TC2N: variants seen among roughly 807,000 people sequenced by gnomAD.
The protein encoded by TC2N is tandem C2 domains, nuclear, also known as tandem C2 domains nuclear protein.
In TC2N, 51 loss-of-function variants were observed where a neutral mutation model predicts 61.9. The observed-to-expected ratio is 0.82, with a 90% confidence interval of 0.66 to 1.04. The LOEUF is 1.04. TC2N is among the 50% of genes least tolerant of loss of function. TC2N has a pLI of 0.00. For missense variants in TC2N, 556 were observed against 566.7 expected, an observed-to-expected ratio of 0.98 and a Z score of 0.19; for synonymous variants, 204 against 192.6, an observed-to-expected ratio of 1.06 and a Z score of -0.49.
intron 3 of TC2N, among the ~76,000 whole-genome samples, chr14:91,804,142 C>T (rs551624797): frequency 6.6e-6 from 1 of 152,208 alleles, no homozygotes; most frequent in Admixed American, 6.5e-5. Context: ...AAGGAAATAC[C>T]ACTACACACT....
chr14:91,798,528 T>A (rs1886036893), intron 6 of TC2N, 129 bp from the exon 7 acceptor site: 2 of 612,922 alleles, frequency 3.3e-6, no homozygotes, highest in African/African-American at 2.0e-5. Context: ...GTTCACAATC[T>A]AAGAAGACAA....
chr14:91,837,002 T>C lies in TC2N; in HGVS notation c.-56-23177A>G, dbSNP rs536958869. On this transcript the variant is annotated intron_variant, in intron 1 of 11. Transcript: ENST00000435962. The surrounding 1 kb of genome is among the most constrained non-coding windows in gnomAD (Gnocchi z 4.2). ...TTGAGGATCAGCCCTGCTCTCTGCT[T>C]TTGTTGCTATCTGCTACTGCCTTGC... is the stretch of plus-strand genomic sequence containing the variant. Among the ~76,000 whole-genome samples the C allele has an allele frequency of 1.1e-4, 17 of 152,306 alleles. No individual in the cohort carries two copies. The South Asian group carries it at 3.3e-3, about 30-fold the overall frequency.
At chr14:91,825,519 ATAAAATTTATTCTGC>A (rs1219460787) in intron 1 of TC2N, among the ~76,000 whole-genome samples, 2 of 152,180 alleles carry the variant, frequency 1.3e-5, no homozygotes, top group Non-Finnish European at 2.9e-5. Context: ...CACTTTCAGG[ATAAAATTTATTCTGC>A]TAAATACAAT....
chr14:91,810,559 T>A (rs946796125), intron 3 of TC2N, among the ~76,000 whole-genome samples: 90 of 152,224 alleles, frequency 5.9e-4, no homozygotes, highest in Non-Finnish European at 1.1e-3. Context: ...TGTGATCTAT[T>A]TTCAAGAAAA....
intron 1 of TC2N, among the ~76,000 whole-genome samples, chr14:91,833,832 A>C (rs1887892093): frequency 6.6e-6 from 1 of 152,208 alleles, no homozygotes; most frequent in Admixed American, 6.5e-5. Flanking sequence ...ATCCTCATCA[A>C]CACTTGGTTG....
chr14:91,801,368 A>T (rs1343148778), intron 4 of TC2N, among the ~76,000 whole-genome samples: 2 of 152,212 alleles, frequency 1.3e-5, no homozygotes, highest in African/African-American at 4.8e-5. Flanking sequence ...ATACAAAATA[A>T]TCTGGGCTGG....
At chr14:91,833,173 A>G (rs1202077162) in intron 1 of TC2N, among the ~76,000 whole-genome samples, 1 of 152,184 alleles carries the variant, frequency 6.6e-6, no homozygotes, top group Non-Finnish European at 1.5e-5. Flanking sequence ...GCACGGGGCT[A>G]TTTATTTTAT....
In TC2N at chr14:91,781,074, A is replaced by T. The variant is rs1885100278; in HGVS notation, c.*2026T>A. Reference sequence around the variant, plus strand: ...ATACATTGTAAGAATATAGAAAATTAAATAAATCAAATAATTAAATATTAA... The same window carrying T: ...ATACATTGTAAGAATATAGAAAATTTAATAAATCAAATAATTAAATATTAA... On this transcript the variant is annotated 3_prime_UTR_variant, in exon 12 of 12. Coordinates refer to ENST00000435962, the MANE Select transcript of TC2N (RefSeq NM_001128596.3). The T allele has an allele frequency of 6.6e-6, 1 of 152,154 alleles. No individual in the cohort carries two copies. The highest frequency in any genetic ancestry group is 1.5e-5 in the Non-Finnish European group (1 of 68,004). 9.4% of individuals were successfully genotyped at this position (152,154 alleles called of 1,614,324 possible). A position where few individuals can be genotyped will look rare whatever the true frequency, so the allele number is the denominator to read the frequency against.
chr14:91,798,525 A>G (rs1886036724), intron 6 of TC2N, 126 bp from the exon 7 acceptor site: 1 of 617,912 alleles, frequency 1.6e-6, no homozygotes, highest in Non-Finnish European at 2.8e-6. Context: ...AAAGTTCACA[A>G]TCTAAGAAGA....
rs750347247 is a variant in TC2N at position 91,800,273 on chromosome 14, T to G, written c.561+8A>C. On this transcript the variant is annotated splice_region_variant and intron_variant, in intron 5 of 11. Coordinates refer to ENST00000435962, the MANE Select transcript of TC2N (RefSeq NM_001128596.3). ...TCACATATAATTAAATTTATGTAGA[T>G]AATTCACCTGGATGAATCGCTGAGA... 6.5e-7 allele frequency: 1 copy of G among 1,539,588 alleles called. No homozygotes were observed. Among genetic ancestry groups the G allele is most frequent in the Non-Finnish European group, 8.9e-7 (1 of 1,126,014 alleles).
intron 1 of TC2N, among the ~76,000 whole-genome samples, chr14:91,820,302 T>C (rs1177314488): frequency 5.9e-5 from 9 of 152,038 alleles, no homozygotes; most frequent in Non-Finnish European, 1.0e-4. Context: ...TATCCCAGGA[T>C]TGCAAGATTA....
intron 1 of TC2N, among the ~76,000 whole-genome samples, chr14:91,823,213 GA>G (rs1164840707): frequency 1.3e-5 from 2 of 151,880 alleles, no homozygotes; most frequent in African/African-American, 4.8e-5. Context: ...TAGCAGAGCC[GA>G]AGGCTTAGAA....
intron 3 of TC2N, among the ~76,000 whole-genome samples, chr14:91,803,313 T>A (rs1206265238): frequency 6.6e-6 from 1 of 151,808 alleles, no homozygotes; most frequent in African/African-American, 2.4e-5. Context: ...AAAGTTTTCA[T>A]GACCTTAGGA....
chr14:91,803,478 A>T (rs1886362245), intron 3 of TC2N, among the ~76,000 whole-genome samples: 1 of 151,448 alleles, frequency 6.6e-6, no homozygotes, highest in Non-Finnish European at 1.5e-5. Flanking sequence ...TTTGAAGTTG[A>T]TTCTCACTCT....
At chr14:91,858,908 T>G (rs1160851553) in intron 1 of TC2N, among the ~76,000 whole-genome samples, 3 of 152,160 alleles carry the variant, frequency 2.0e-5, no homozygotes, top group Non-Finnish European at 4.4e-5. Context: ...GCCAGCATAG[T>G]TTCTGATCCT....
At chr14:91,783,271 C>T in intron 11 of TC2N, 61 bp from the exon 12 acceptor site, 1 of 892,178 alleles carries the variant, frequency 1.1e-6, no homozygotes, top group Non-Finnish European at 1.8e-6. Flanking sequence ...TACATTCAGA[C>T]AGTTAGTTAC....
At position 91,812,389 on chromosome 14, in the gene TC2N, A is replaced by G; in HGVS notation, c.224T>C (p.Phe75Ser). 6.2e-7 allele frequency: 1 copy of G among 1,612,838 alleles called. No homozygotes were observed. The highest frequency in any genetic ancestry group is 8.5e-7 in the Non-Finnish European group (1 of 1,179,204). ...KLPSDGKEVP[F>S]VVPKFKLSYI... ...AGATAACTTAAACTTGGGCACCACAAATGGTACTTCTTTGCCATCAGATGG... is the reference window on the plus strand; with the variant it reads ...AGATAACTTAAACTTGGGCACCACAGATGGTACTTCTTTGCCATCAGATGG... The change falls in exon 3 of 12, where the codon TTT (phenylalanine) becomes TCT (serine). Residue 75 changes from phenylalanine to serine, a missense_variant. By Grantham distance (155) the Phe-to-Ser change is radical. Transcript: ENST00000435962.
At chr14:91,806,723 CAG>C (rs944959743) in intron 3 of TC2N, among the ~76,000 whole-genome samples, 14 of 151,816 alleles carry the variant, frequency 9.2e-5, no homozygotes, top group African/African-American at 2.2e-4. Context: ...GAAAAATTTG[CAG>C]ACTGTCAATG....
intron 1 of TC2N, among the ~76,000 whole-genome samples, chr14:91,848,377 C>A (rs1182535370): frequency 1.1e-4 from 16 of 152,210 alleles, no homozygotes; most frequent in Admixed American, 1.0e-3. Flanking sequence ...GAGGGTCTAG[C>A]ATGATACAGA....
Sources: allele counts gnomAD v4.1 joint callset (sites outside exome capture counted in the v4.1 genomes callset), GRCh38; gene constraint gnomAD v4.1.1; non-coding constraint Gnocchi (gnomAD v3.1); transcripts MANE v1.5; gene names NCBI Gene and HGNC (gene_info 2026-07-23, HGNC 2026-07-21).